MKRN2OS: variants seen among roughly 807,000 people sequenced by gnomAD.
The protein encoded by MKRN2OS is MKRN2 opposite strand protein.
MKRN2OS carries 17 observed loss-of-function variants against 18.2 expected under a neutral mutation model. That is an observed-to-expected ratio of 0.93 (90% CI 0.64 to 1.40). MKRN2OS has a LOEUF of 1.40. MKRN2OS is among the 40% of genes most tolerant of loss of function. The pLI is 0.00. For missense variants in MKRN2OS, 337 were observed against 283.0 expected, an observed-to-expected ratio of 1.19 and a Z score of -1.37; for synonymous variants, 121 against 108.5, an observed-to-expected ratio of 1.12 and a Z score of -0.72.
intron 1 of MKRN2OS, among the ~76,000 whole-genome samples, chr3:12,555,973 C>CA (rs954817271): frequency 6.7e-6 from 1 of 148,794 alleles, no homozygotes; most frequent in Admixed American, 6.6e-5. Flanking sequence ...CAAAACAAAA[C>CA]AAAAAATTCT....
chr3:12,552,893 C>G (rs559502146), downstream of MKRN2OS, among the ~76,000 whole-genome samples: 9 of 151,532 alleles, frequency 5.9e-5, no homozygotes, highest in South Asian at 1.9e-3. Flanking sequence ...AGTGGTGGAG[C>G]ATGCCTGGCG....
chr3:12,540,189 G>A lies in MKRN2OS; in HGVS notation c.*4C>T, dbSNP rs1274725462. On this transcript the variant is annotated 3_prime_UTR_variant, in exon 4 of 4. Coordinates refer to ENST00000564146, the MANE Select transcript of MKRN2OS (RefSeq NM_001195279.2). Reference sequence around the variant, plus strand: ...CCAGCGTCCAGGCTGCGCTTACATAGCTCTCAGCACAAACCGCCGCCCTCA... The same window carrying A: ...CCAGCGTCCAGGCTGCGCTTACATAACTCTCAGCACAAACCGCCGCCCTCA... The A allele has an allele frequency of 2.6e-6, 4 of 1,536,104 alleles. No individual in the cohort carries two copies. The Admixed American group carries it at 7.8e-5, about 30-fold the overall frequency.
At chr3:12,547,987 A>G (rs1202967234), upstream of MKRN2OS, among the ~76,000 whole-genome samples, 1 of 152,156 alleles carries the variant, frequency 6.6e-6, no homozygotes, top group Admixed American at 6.6e-5. Context: ...CAGGTGACAA[A>G]GACCTGAGAT....
chr3:12,540,856 AGAGT>A (rs1181300834), intron 3 of MKRN2OS, among the ~76,000 whole-genome samples: 2 of 137,532 alleles, frequency 1.5e-5, no homozygotes, highest in African/African-American at 2.8e-5. Context: ...CCTGGGTGAC[AGAGT>A]GAGTAAGACT....
downstream of MKRN2OS, among the ~76,000 whole-genome samples, chr3:12,550,665 C>A (rs2057923134): frequency 6.6e-6 from 1 of 152,178 alleles, no homozygotes; most frequent in Non-Finnish European, 1.5e-5. Context: ...AATAAACTTT[C>A]ACTGCTGCTG....
chr3:12,549,542 CTGTTT>C (rs1332626765), upstream of MKRN2OS, among the ~76,000 whole-genome samples: 1 of 59,816 alleles, frequency 1.7e-5, no homozygotes, highest in South Asian at 2.8e-4. Flanking sequence ...CACACCCAGC[CTGTTT>C]TGTTTTATTT....
intron 1 of MKRN2OS, among the ~76,000 whole-genome samples, chr3:12,543,529 G>T (rs2057844380): frequency 6.6e-6 from 1 of 152,148 alleles, no homozygotes; most frequent in South Asian, 2.1e-4. Context: ...GGAGATTGCA[G>T]TGAGCCATGA....
At position 12,541,377 on chromosome 3, in the gene MKRN2OS, G is replaced by A. The variant is rs145213579; in HGVS notation, c.431+483C>T. Among the ~76,000 whole-genome samples, 1,179 of 151,944 alleles carry A rather than the reference G, an allele frequency of 7.8e-3. 15 individuals are homozygous for A. The highest frequency in any genetic ancestry group is 0.027 in the African/African-American group (1,113 of 41,448). On this transcript the variant is annotated intron_variant, in intron 3 of 3. Coordinates refer to ENST00000564146, the MANE Select transcript of MKRN2OS (RefSeq NM_001195279.2). ...AGGGACTACAGACGTCCACCACCAC[G>A]CCTGGCTATTTTTGTATTTTTAATA... is the stretch of plus-strand genomic sequence containing the variant.
rs771866538 is a variant in MKRN2OS, at chr3:12,543,309, G to C, written c.219-80C>G. On this transcript the variant is annotated intron_variant, in intron 1 of 3. Coordinates refer to ENST00000564146, the MANE Select transcript of MKRN2OS (RefSeq NM_001195279.2). ...TTGGCATTTAAAGTAGGAGGATGCC[G>C]AGCACAGTGGCTTAGACCTGTAATC... 4 of 1,191,510 alleles carry C rather than the reference G, an allele frequency of 3.4e-6. No homozygotes were observed. In the Admixed American group the frequency reaches 8.2e-5, roughly 24 times the overall value. 73.8% of individuals were successfully genotyped at this position (1,191,510 alleles called of 1,614,324 possible).
At position 12,539,934 on chromosome 3, in the gene MKRN2OS, C is replaced by T. The variant is rs370978037; in HGVS notation, c.*259G>A. On this transcript the variant is annotated 3_prime_UTR_variant, in exon 4 of 4. Coordinates refer to ENST00000564146, the MANE Select transcript of MKRN2OS (RefSeq NM_001195279.2). ...CCTAGTAGTTGGGATTACAGGCATG[C>T]GCCACCATGCCCAGCTAATTTTATA... 1.2e-4 allele frequency: 53 copies of T among 428,788 alleles called. No individual in the cohort carries two copies. The highest frequency in any genetic ancestry group is 2.6e-4 in the South Asian group (11 of 43,040). 26.6% of individuals were successfully genotyped at this position (428,788 alleles called of 1,614,324 possible). A position where few individuals can be genotyped will look rare whatever the true frequency, so the allele number is the denominator to read the frequency against.
chr3:12,552,571 C>A (rs887308429), downstream of MKRN2OS, among the ~76,000 whole-genome samples: 1 of 151,460 alleles, frequency 6.6e-6, no homozygotes, highest in Non-Finnish European at 1.5e-5. Flanking sequence ...ACCACCACAC[C>A]TGAATAATTT....
intron 2 of MKRN2OS, 144 bp downstream of exon 2, chr3:12,543,036 G>A (rs1401292073): frequency 1.3e-5 from 7 of 552,536 alleles, no homozygotes; most frequent in Non-Finnish European, 2.1e-5. Flanking sequence ...CTCATTTGTG[G>A]GCAATGCCTA....
intron 1 of MKRN2OS, chr3:12,557,303 G>T (rs1357502851): frequency 1.5e-6 from 2 of 1,294,054 alleles, no homozygotes; most frequent in African/African-American, 1.5e-5. Context: ...GGCTGTTCGC[G>T]GCGGGGCTTT....
At chr3:12,553,384 T>C (rs1043168588), downstream of MKRN2OS, among the ~76,000 whole-genome samples, 37 of 151,804 alleles carry the variant, frequency 2.4e-4, no homozygotes, top group African/African-American at 8.0e-4. Flanking sequence ...TATAATTCAA[T>C]ACATTACCAG....
At chr3:12,549,249 ATTTATTTG>A (rs1431714009), upstream of MKRN2OS, among the ~76,000 whole-genome samples, 2 of 140,480 alleles carry the variant, frequency 1.4e-5, no homozygotes, top group Non-Finnish European at 1.6e-5. Context: ...GGCCTATGTT[ATTTATTTG>A]TTTGTTTGTT....
In MKRN2OS at chr3:12,539,933, G is replaced by GCC; in HGVS notation, c.*259_*260insGG. The stretch of plus-strand genomic sequence containing the variant: ...CCCTAGTAGTTGGGATTACAGGCAT[G>GCC]CGCCACCATGCCCAGCTAATTTTAT... On this transcript the variant is annotated 3_prime_UTR_variant, in exon 4 of 4. Transcript: ENST00000564146. 4.7e-6 allele frequency: 2 copies of GCC among 428,232 alleles called. No individual in the cohort carries two copies. Among genetic ancestry groups the GCC allele is most frequent in the East Asian group, 4.8e-5 (1 of 20,636 alleles). The allele number at this position is 428,232 out of a possible 1,614,324, so 26.5% of individuals were successfully genotyped here. A position where few individuals can be genotyped will look rare whatever the true frequency, so the allele number is the denominator to read the frequency against.
chr3:12,546,462 A>C (rs2057884309), upstream of MKRN2OS, among the ~76,000 whole-genome samples: 1 of 152,018 alleles, frequency 6.6e-6, no homozygotes, highest in South Asian at 2.1e-4. Flanking sequence ...AAAAATCATC[A>C]AGCTGTGCAT....
At chr3:12,560,478 T>TAAAAAA (rs10651248) in intron 1 of MKRN2OS, among the ~76,000 whole-genome samples, 2 of 124,964 alleles carry the variant, frequency 1.6e-5, no homozygotes, top group Non-Finnish European at 3.4e-5. Flanking sequence ...TAGGAAAATG[T>TAAAAAA]AAAAAAAAAA....
At chr3:12,541,742 G>T (rs1165664374) in intron 3 of MKRN2OS, 118 bp downstream of exon 3, 2 of 1,080,244 alleles carry the variant, frequency 1.9e-6, no homozygotes, top group Non-Finnish European at 2.6e-6. Flanking sequence ...TAATATGTCT[G>T]TATCGGCTCA....
Sources: gnomAD v4.1 joint callset for allele counts (sites outside exome capture counted in the v4.1 genomes callset) on GRCh38, gnomAD v4.1.1 for gene constraint, MANE v1.5 for transcripts, NCBI Gene and HGNC (gene_info 2026-07-23, HGNC 2026-07-21) for gene names.